NRIP1: variants seen among roughly 807,000 people sequenced by gnomAD.
The protein encoded by NRIP1 is nuclear receptor interacting protein 1.
Under a neutral mutation model 75.0 loss-of-function variants are expected in NRIP1, and 28 were observed. The ratio of observed to expected loss-of-function variants is 0.37; its 90% CI spans 0.28 to 0.51. NRIP1 has a LOEUF of 0.51. Among genes scored for constraint, NRIP1 ranks in the 20% least tolerant of loss-of-function variants. The probability of loss-of-function intolerance (pLI) is 0.92; values close to 1 mark genes in which losing one functional copy is unlikely to be tolerated. For synonymous variants in NRIP1, 526 were observed against 487.6 expected (o/e 1.08, Z -1.04); for missense variants, 1,435 against 1,343.7 (o/e 1.07, Z -1.06).
At chr21:15,020,525 G>C (rs1272605759) in intron 2 of NRIP1, among the ~76,000 whole-genome samples, 1 of 152,044 alleles carries the variant, frequency 6.6e-6, no homozygotes, top group Non-Finnish European at 1.5e-5. Context: ...ATGACCTTAA[G>C]TTACAGAAAT....
intron 2 of NRIP1, among the ~76,000 whole-genome samples, chr21:15,031,336 G>A (rs1297218): frequency 6.8e-6 from 1 of 146,058 alleles, no homozygotes; most frequent in African/African-American, 2.5e-5. Context: ...CACTCTGGAA[G>A]GCGCTCGGAG....
Position 14,961,444 on chromosome 21 carries a change from T to TTA in NRIP1, c.*3271_*3272insTA, listed in dbSNP as rs2086588729. 1 of 152,444 alleles carries TTA rather than the reference T, an allele frequency of 6.6e-6. No homozygotes were observed. Among genetic ancestry groups the TTA allele is most frequent in the Non-Finnish European group, 1.5e-5 (1 of 67,920 alleles). The allele number at this position is 152,444 out of a possible 1,614,324, so 9.4% of individuals were successfully genotyped here. A position where few individuals can be genotyped will look rare whatever the true frequency, so the allele number is the denominator to read the frequency against. ...TAAACACCAGAATTCTTACTATGAA[T>TTA]GGTAATGTGCCTATATTCCAGTATT... On this transcript the variant is annotated 3_prime_UTR_variant, in exon 4 of 4. Transcript: ENST00000318948.
intron 1 of NRIP1, among the ~76,000 whole-genome samples, chr21:15,047,493 C>T (rs959839313): frequency 2.6e-5 from 4 of 152,094 alleles, no homozygotes; most frequent in Admixed American, 6.5e-5. Context: ...TGAGCTGAGA[C>T]CGCGCCACTG....
In NRIP1 at chr21:14,966,506, C is replaced by T. The variant is rs2086747966; in HGVS notation, c.1687G>A (p.Gly563Arg). The change falls in exon 4 of 4, where the codon GGG (glycine) becomes AGG (arginine). Residue 563 changes from glycine to arginine, a missense_variant. By Grantham distance (125) the Gly-to-Arg change is moderately radical. Transcript: ENST00000318948. ...TPPLLTSSKA[G>R]SPINLSQHSL... ...TGTTGAGAGAGATTGATGGGAGACC[C>T]TGCTTTGCTTGATGTAAGTAAAGGT... 7 of 1,614,102 alleles carry T rather than the reference C, an allele frequency of 4.3e-6. No individual in the cohort carries two copies. Among genetic ancestry groups the T allele is most frequent in the South Asian group, 1.1e-5 (1 of 91,080 alleles).
At chr21:15,020,393 AAAAT>A (rs765853894) in intron 2 of NRIP1, among the ~76,000 whole-genome samples, 4 of 152,242 alleles carry the variant, frequency 2.6e-5, no homozygotes, top group Non-Finnish European at 4.4e-5. Context: ...TCCATATGTG[AAAAT>A]AAATAATTAA....
At chr21:14,971,830 C>A (rs1283383647) in intron 3 of NRIP1, among the ~76,000 whole-genome samples, 2 of 152,148 alleles carry the variant, frequency 1.3e-5, no homozygotes, top group South Asian at 2.1e-4. Flanking sequence ...TTCACACTTT[C>A]TTCTAGAGAA....
At chr21:15,036,816 A>G (rs1039265785) in intron 2 of NRIP1, among the ~76,000 whole-genome samples, 4 of 152,180 alleles carry the variant, frequency 2.6e-5, no homozygotes, top group Admixed American at 2.0e-4. Flanking sequence ...ATTTAGGGAA[A>G]TCTGTGAAAT....
chr21:15,013,321 A>G (rs934119577), intron 3 of NRIP1, among the ~76,000 whole-genome samples: 1 of 152,214 alleles, frequency 6.6e-6, no homozygotes, highest in African/African-American at 2.4e-5. Context: ...CTTCATTACT[A>G]GGTTTTCTGA....
At chr21:15,047,133 G>T (rs1158620054) in intron 1 of NRIP1, among the ~76,000 whole-genome samples, 1 of 152,138 alleles carries the variant, frequency 6.6e-6, no homozygotes, top group Non-Finnish European at 1.5e-5. Flanking sequence ...CCGCATTGTT[G>T]GGGAGGTCTC....
chr21:15,056,131 T>C (rs1200699331), intron 1 of NRIP1, among the ~76,000 whole-genome samples: 3 of 152,012 alleles, frequency 2.0e-5, no homozygotes, highest in African/African-American at 7.2e-5. Context: ...AAAAACTAAC[T>C]TGTTTGATAA....
chr21:15,027,908 T>C (rs1189927264), intron 2 of NRIP1, among the ~76,000 whole-genome samples: 1 of 152,160 alleles, frequency 6.6e-6, no homozygotes, highest in Non-Finnish European at 1.5e-5. Context: ...GCACAATAAA[T>C]AACTCTTTAT....
At chr21:15,040,957 A>C (rs975482912) in intron 2 of NRIP1, among the ~76,000 whole-genome samples, 1 of 152,084 alleles carries the variant, frequency 6.6e-6, no homozygotes, top group Non-Finnish European at 1.5e-5. Context: ...CTATTACTCT[A>C]AACACATGCA....
intron 3 of NRIP1, among the ~76,000 whole-genome samples, chr21:14,969,272 T>A (rs1025548652): frequency 1.3e-5 from 2 of 152,192 alleles, no homozygotes; most frequent in Non-Finnish European, 2.9e-5. Context: ...AAGGGTTTAA[T>A]GTAGTTCGTT....
rs539278321 is a variant in NRIP1 at position 15,019,470 on chromosome 21, C to CTTTTTTTTTT, written c.-457-5014_-457-5005dup. ...ACAAGATCCACAAACAACTGCATTTCTTTTTTTTTTTTTTTTTTTTTTTTT... is the reference window on the plus strand; with the variant it reads ...ACAAGATCCACAAACAACTGCATTTCTTTTTTTTTTTTTTTTTTTTTTTTTTTTTTTTTTT... On this transcript the variant is annotated intron_variant, in intron 2 of 3. Transcript: ENST00000318948. Among the ~76,000 whole-genome samples the CTTTTTTTTTT allele has an allele frequency of 2.6e-4, 10 of 38,696 alleles. 3 individuals are homozygous for CTTTTTTTTTT. The East Asian group carries it at 2.8e-3, about 11-fold the overall frequency. 25.4% of individuals were successfully genotyped at this position (38,696 alleles called of 152,430 possible).
chr21:14,984,010 C>T (rs1416780261), intron 3 of NRIP1, among the ~76,000 whole-genome samples: 1 of 152,198 alleles, frequency 6.6e-6, no homozygotes. Flanking sequence ...ATCCATTCTG[C>T]AGCTCATGGA....
At chr21:14,975,523 G>T (rs557558170) in intron 3 of NRIP1, among the ~76,000 whole-genome samples, 7 of 151,716 alleles carry the variant, frequency 4.6e-5, no homozygotes, top group African/African-American at 1.7e-4. Context: ...AGGCTGAGGT[G>T]GGAGGATCAC....
chr21:14,982,998 A>G (rs2087288368), intron 3 of NRIP1, among the ~76,000 whole-genome samples: 1 of 151,902 alleles, frequency 6.6e-6, no homozygotes, highest in African/African-American at 2.4e-5. Flanking sequence ...AGCTGTTCCC[A>G]TCTCTCTCCC....
intron 3 of NRIP1, among the ~76,000 whole-genome samples, chr21:15,004,654 T>G (rs184351352): frequency 1.4e-4 from 22 of 152,364 alleles, no homozygotes; most frequent in Non-Finnish European, 1.5e-5. Context: ...TGCCTTAAAA[T>G]GTCATGCATG....
intron 2 of NRIP1, among the ~76,000 whole-genome samples, chr21:15,027,227 A>G (rs557504773): frequency 9.9e-5 from 15 of 152,236 alleles, no homozygotes; most frequent in Non-Finnish European, 1.8e-4. Context: ...GGAGAGCAAC[A>G]TATCGACAGA....
Sources: allele counts gnomAD v4.1 joint callset (sites outside exome capture counted in the v4.1 genomes callset), GRCh38; gene constraint gnomAD v4.1.1; transcripts MANE v1.5; gene names NCBI Gene and HGNC (gene_info 2026-07-23, HGNC 2026-07-21).